Variants in RAPGEF5 observed in about 807,000 individuals in gnomAD.
RAPGEF5 encodes the protein Rap guanine nucleotide exchange factor 5.
In RAPGEF5, 65 loss-of-function variants were observed where a neutral mutation model predicts 125.2. That is an observed-to-expected ratio of 0.52 (90% CI 0.43 to 0.64). The LOEUF (loss-of-function observed/expected upper bound fraction) is 0.64. Among genes scored for constraint, RAPGEF5 ranks in the 30% least tolerant of loss-of-function variants. The probability of loss-of-function intolerance (pLI) is 0.00; values close to 1 mark genes in which losing one functional copy is unlikely to be tolerated. For synonymous variants in RAPGEF5, 391 were observed against 385.9 expected, an observed-to-expected ratio of 1.01 and a Z score of -0.16; for missense variants, 958 against 1,048.1, an observed-to-expected ratio of 0.91 and a Z score of 1.19.
rs1783857025 is a variant in RAPGEF5 at position 22,157,801 on chromosome 7, G to A, written c.1557+54C>T. 14 of 1,555,420 alleles carry A rather than the reference G, an allele frequency of 9.0e-6. No individual in the cohort carries two copies. In the East Asian group the frequency reaches 2.5e-4, roughly 27 times the overall value. ...TTATGAAACACGCCAAGGGAGGCAAGGCAAGGTCTCCAAACCGGATCACCT... is the reference window on the plus strand; with the variant it reads ...TTATGAAACACGCCAAGGGAGGCAAAGCAAGGTCTCCAAACCGGATCACCT... On this transcript the variant is annotated intron_variant, in intron 15 of 25. Transcript: ENST00000665637.
At chr7:22,239,709 A>C (rs1404630793) in intron 7 of RAPGEF5, among the ~76,000 whole-genome samples, 1 of 152,146 alleles carries the variant, frequency 6.6e-6, no homozygotes, top group Non-Finnish European at 1.5e-5. Flanking sequence ...TCTTTTGATT[A>C]AGATTTAATA....
chr7:22,303,785 T>C (rs1019652451), intron 5 of RAPGEF5, among the ~76,000 whole-genome samples: 7 of 152,192 alleles, frequency 4.6e-5, no homozygotes, highest in Non-Finnish European at 8.8e-5. Context: ...AAATACAAAA[T>C]GCAAGAGCAG....
intron 6 of RAPGEF5, among the ~76,000 whole-genome samples, chr7:22,267,853 C>G (rs1208683497): frequency 6.6e-6 from 1 of 151,598 alleles, no homozygotes; most frequent in Non-Finnish European, 1.5e-5. Flanking sequence ...GTGTTTGGAA[C>G]TGGTGATGAT....
chr7:22,252,397 A>T (rs1416609207), intron 7 of RAPGEF5, among the ~76,000 whole-genome samples: 1 of 152,206 alleles, frequency 6.6e-6, no homozygotes, highest in East Asian at 1.9e-4. Context: ...AAGTGCCCCA[A>T]GTATTTTTGA....
At chr7:22,317,908 A>C in intron 2 of RAPGEF5, 79 bp downstream of exon 2, 1 of 1,530,736 alleles carries the variant, frequency 6.5e-7, no homozygotes. Flanking sequence ...CAAAGGGAAC[A>C]ACTGTAACTT....
intron 7 of RAPGEF5, among the ~76,000 whole-genome samples, chr7:22,232,143 A>T (rs530846870): frequency 6.6e-5 from 10 of 152,278 alleles, no homozygotes; most frequent in Admixed American, 2.0e-4. Flanking sequence ...GAGAGAAAAA[A>T]GAGATGAAGG....
At chr7:22,269,213 T>G (rs569344604) in intron 6 of RAPGEF5, among the ~76,000 whole-genome samples, 1 of 142,898 alleles carries the variant, frequency 7.0e-6, no homozygotes, top group African/African-American at 2.6e-5. Flanking sequence ...AACCCAAAGA[T>G]AGGTTAGTCT....
At chr7:22,222,975 TG>T (rs5882837) in intron 8 of RAPGEF5, among the ~76,000 whole-genome samples, 71,504 of 151,706 alleles carry the variant, frequency 0.47, 17,038 homozygotes, top group Admixed American at 0.53. Context: ...GGAGTTGTCA[TG>T]GGGGGAGGCA....
chr7:22,132,127 T>C (rs1399153042), intron 23 of RAPGEF5, among the ~76,000 whole-genome samples: 1 of 152,210 alleles, frequency 6.6e-6, no homozygotes, highest in Non-Finnish European at 1.5e-5. Context: ...TAAAAACTCC[T>C]ATAAATAGAA....
At chr7:22,184,815 A>G (rs980552486) in intron 11 of RAPGEF5, among the ~76,000 whole-genome samples, 1 of 152,228 alleles carries the variant, frequency 6.6e-6, no homozygotes, top group Non-Finnish European at 1.5e-5. Context: ...GTGAGAATAG[A>G]TTAACCCAGA....
intron 8 of RAPGEF5, among the ~76,000 whole-genome samples, chr7:22,227,465 G>A (rs1361471910): frequency 1.3e-5 from 2 of 152,050 alleles, no homozygotes; most frequent in East Asian, 3.9e-4. Flanking sequence ...TGGAGGATAG[G>A]AGACAATGAA....
chr7:22,163,145 AT>A (rs5882836), intron 12 of RAPGEF5, among the ~76,000 whole-genome samples: 13 of 1,118 alleles, frequency 0.012, no homozygotes, highest in Non-Finnish European at 0.015. Flanking sequence ...AAATTATTTC[AT>A]TTTAAAATAA....
At chr7:22,124,092 C>T (rs893688087) in intron 25 of RAPGEF5, among the ~76,000 whole-genome samples, 1 of 152,166 alleles carries the variant, frequency 6.6e-6, no homozygotes, top group African/African-American at 2.4e-5. Flanking sequence ...TTGCTCAGTG[C>T]CACACAGAGG....
chr7:22,252,581 T>TC (rs957961471), intron 7 of RAPGEF5, among the ~76,000 whole-genome samples: 1 of 152,212 alleles, frequency 6.6e-6, no homozygotes, highest in African/African-American at 2.4e-5. Context: ...TAAACAATTC[T>TC]CAGGGTTAAA....
intron 9 of RAPGEF5, among the ~76,000 whole-genome samples, chr7:22,212,941 A>G (rs1785544735): frequency 6.6e-6 from 1 of 152,210 alleles, no homozygotes; most frequent in Non-Finnish European, 1.5e-5. Flanking sequence ...TGATATGGCT[A>G]TTTTAATTTT....
intron 1 of RAPGEF5, among the ~76,000 whole-genome samples, chr7:22,345,751 T>G (rs1053554730): frequency 8.6e-5 from 13 of 151,168 alleles, no homozygotes; most frequent in African/African-American, 2.9e-4. Context: ...AGTGGGAAAT[T>G]TGAATGCTTA....
At chr7:22,304,477 A>T (rs748929267) in intron 5 of RAPGEF5, among the ~76,000 whole-genome samples, 28 of 152,264 alleles carry the variant, frequency 1.8e-4, no homozygotes, top group African/African-American at 5.3e-4. Context: ...TGCAAATTTT[A>T]AAATTTTTCA....
At chr7:22,342,370 A>G (rs1784146050) in intron 1 of RAPGEF5, among the ~76,000 whole-genome samples, 1 of 152,228 alleles carries the variant, frequency 6.6e-6, no homozygotes, top group Non-Finnish European at 1.5e-5. Flanking sequence ...GCTGCAGTAA[A>G]GGTCTCTGAC....
chr7:22,139,893 C>G (rs1226667821), intron 21 of RAPGEF5, 132 bp downstream of exon 21: 7 of 765,522 alleles, frequency 9.1e-6, no homozygotes, highest in Non-Finnish European at 1.5e-5. Flanking sequence ...ACCATTTGAT[C>G]AAAAAGATCC....
Sources: allele counts gnomAD v4.1 joint callset (sites outside exome capture counted in the v4.1 genomes callset), GRCh38; gene constraint gnomAD v4.1.1; transcripts MANE v1.5; gene names NCBI Gene and HGNC (gene_info 2026-07-23, HGNC 2026-07-21).